The following CADPS2 variants were observed in gnomAD, a reference collection of about 807,000 sequenced individuals.
The protein encoded by CADPS2 is calcium dependent secretion activator 2.
CADPS2 carries 93 observed loss-of-function variants against 172.5 expected under a neutral mutation model. The observed-to-expected ratio is 0.54, with a 90% CI of 0.46 to 0.64. CADPS2 has a LOEUF of 0.64. Ranked by LOEUF, CADPS2 falls within the 30% of genes least tolerant of loss-of-function variation. CADPS2 has a pLI of 0.00. For synonymous variants in CADPS2, 546 were observed against 555.2 expected, an observed-to-expected ratio of 0.98 and a Z score of 0.23; for missense variants, 1,420 against 1,565.9, an observed-to-expected ratio of 0.91 and a Z score of 1.57.
At chr7:122,781,213 T>C (rs1792630330) in intron 1 of CADPS2, among the ~76,000 whole-genome samples, 1 of 152,180 alleles carries the variant, frequency 6.6e-6, no homozygotes, top group Non-Finnish European at 1.5e-5. Context: ...TATTTTTGGT[T>C]TTTACCCATT....
intron 2 of CADPS2, among the ~76,000 whole-genome samples, chr7:122,676,151 T>G (rs762488805): frequency 9.2e-5 from 14 of 152,178 alleles, no homozygotes; most frequent in Non-Finnish European, 1.9e-4. Context: ...AAACTTGGAC[T>G]GTCTAAATTA....
intron 29 of CADPS2, among the ~76,000 whole-genome samples, chr7:122,321,185 T>C (rs2032403791): frequency 6.6e-6 from 1 of 152,208 alleles, no homozygotes; most frequent in African/African-American, 2.4e-5. Context: ...ATTGACTGAT[T>C]GAGACAGGTC....
In CADPS2 at chr7:122,437,553, T is replaced by C. The variant is rs148434868; in HGVS notation, c.2476+788A>G. On this transcript the variant is annotated intron_variant, in intron 17 of 29. Transcript: ENST00000449022. The stretch of plus-strand genomic sequence containing the variant: ...CTTTTATTTTCAGGTAAGAAACTTT[T>C]ATTTTCAGATAAGTATTTAACATTA... Among the ~76,000 whole-genome samples the C allele has an allele frequency of 4.8e-3, 736 of 152,240 alleles. 6 individuals carry two copies. Among genetic ancestry groups the C allele is most frequent in the African/African-American group, 0.013 (559 of 41,576 alleles).
At chr7:122,388,824 A>G in intron 22 of CADPS2, 86 bp from the exon 23 acceptor site, 1 of 1,219,150 alleles carries the variant, frequency 8.2e-7, no homozygotes, top group South Asian at 2.3e-5. Flanking sequence ...TTCTGCATCA[A>G]TTGCCATCAG....
At position 122,698,765 on chromosome 7, in the gene CADPS2, C is replaced by A. The variant is rs577024939; in HGVS notation, c.454-35196G>T. 38 of 1,613,948 alleles carry A rather than the reference C, an allele frequency of 2.4e-5. 2 individuals are homozygous for A. The South Asian group carries it at 3.8e-4, about 16-fold the overall frequency. ...CCAGTCTCTCCCAACTCTGACAACA[C>A]ATGATTCCCAACATGAAATGATATG... On this transcript the variant is annotated intron_variant, in intron 2 of 29. Transcript: ENST00000449022.
At chr7:122,417,458 T>C (rs1486830743) in intron 17 of CADPS2, among the ~76,000 whole-genome samples, 3 of 152,200 alleles carry the variant, frequency 2.0e-5, no homozygotes, top group Admixed American at 6.5e-5. Context: ...ACAATGTTGT[T>C]GGCTGTAGGA....
chr7:122,553,002 C>T (rs1402436203), intron 8 of CADPS2, among the ~76,000 whole-genome samples: 1 of 152,016 alleles, frequency 6.6e-6, no homozygotes, highest in Non-Finnish European at 1.5e-5. Flanking sequence ...TCCAGGACTC[C>T]CTGCCTTTGT....
At chr7:122,713,666 A>G in intron 2 of CADPS2, among the ~76,000 whole-genome samples, 1 of 151,936 alleles carries the variant, frequency 6.6e-6, no homozygotes, top group East Asian at 1.9e-4. Context: ...ACTTTTCCAT[A>G]TATAACATAT....
chr7:122,514,637 C>T (rs891153060), intron 8 of CADPS2, among the ~76,000 whole-genome samples: 15 of 151,802 alleles, frequency 9.9e-5, no homozygotes, highest in African/African-American at 3.4e-4. Context: ...CTCTTTCATT[C>T]CTGAATGTAT....
chr7:122,451,078 GT>G (rs1391804247), intron 15 of CADPS2, among the ~76,000 whole-genome samples: 1 of 152,150 alleles, frequency 6.6e-6, no homozygotes, highest in African/African-American at 2.4e-5. Flanking sequence ...AGGAGGAACA[GT>G]CACCAGAGCT....
chr7:122,706,801 C>CACACACACATATATATATATGTATGT (rs1564129875), intron 2 of CADPS2, among the ~76,000 whole-genome samples: 6 of 148,108 alleles, frequency 4.1e-5, no homozygotes, highest in Non-Finnish European at 8.9e-5. Flanking sequence ...TATATATATA[C>CACACACACATATATATATATGTATGT]ACACACACAC....
chr7:122,576,663 A>G (rs576969974), intron 7 of CADPS2, among the ~76,000 whole-genome samples: 1 of 152,200 alleles, frequency 6.6e-6, no homozygotes, highest in South Asian at 2.1e-4. Flanking sequence ...AATTCCCATA[A>G]TCTCCATAAT....
chr7:122,839,200 T>C (rs1055416389), intron 1 of CADPS2, among the ~76,000 whole-genome samples: 2 of 152,204 alleles, frequency 1.3e-5, no homozygotes, highest in African/African-American at 2.4e-5. Flanking sequence ...ATTTAATAAA[T>C]GGTGCTGGGA....
At chr7:122,877,187 CA>C (rs1240570813) in intron 1 of CADPS2, among the ~76,000 whole-genome samples, 8 of 151,832 alleles carry the variant, frequency 5.3e-5, no homozygotes, top group African/African-American at 7.3e-5. Context: ...TCTATTAATA[CA>C]AAAAAAGGAA....
intron 6 of CADPS2, among the ~76,000 whole-genome samples, chr7:122,593,724 T>C (rs1409057032): frequency 1.4e-5 from 2 of 148,140 alleles, no homozygotes; most frequent in South Asian, 2.1e-4. Context: ...CCAGACAATA[T>C]GAAAAAAAAG....
rs190723017 is a variant in CADPS2 at position 122,481,641 on chromosome 7, G to T, written c.1853-781C>A. ...TGTAATCCCAGCTACTTGGGAGGCT[G>T]AGGCATGGGAATCCCATAGCCTGAT... On this transcript the variant is annotated intron_variant, in intron 11 of 29. Transcript: ENST00000449022. Among the ~76,000 whole-genome samples, 158 of 151,478 alleles carry T rather than the reference G, an allele frequency of 1.0e-3. 1 individual carries two copies. The highest frequency in any genetic ancestry group is 3.7e-3 in the African/African-American group (151 of 41,232).
chr7:122,552,484 C>T (rs1419333814), intron 8 of CADPS2, among the ~76,000 whole-genome samples: 2 of 152,010 alleles, frequency 1.3e-5, no homozygotes, highest in African/African-American at 4.8e-5. Flanking sequence ...CAATTGCAGG[C>T]CTTTCTAGGG....
chr7:122,541,576 T>C (rs2062961878), intron 8 of CADPS2, among the ~76,000 whole-genome samples: 1 of 146,092 alleles, frequency 6.8e-6, no homozygotes, highest in Non-Finnish European at 1.5e-5. Flanking sequence ...CATATATTCA[T>C]ATATATTTAT....
At chr7:122,648,477 C>G (rs1411816312) in intron 3 of CADPS2, among the ~76,000 whole-genome samples, 1 of 152,028 alleles carries the variant, frequency 6.6e-6, no homozygotes, top group Non-Finnish European at 1.5e-5. Context: ...CTCTGCCCAC[C>G]CCGCCAAAAT....
Sources: gnomAD v4.1 joint callset for allele counts (sites outside exome capture counted in the v4.1 genomes callset) on GRCh38, gnomAD v4.1.1 for gene constraint, MANE v1.5 for transcripts, NCBI Gene and HGNC (gene_info 2026-07-23, HGNC 2026-07-21) for gene names.